The following SPSB4 variants were observed in gnomAD, a reference collection of about 807,000 sequenced individuals.
SPSB4 encodes the protein splA/ryanodine receptor domain and SOCS box containing 4, also known as SPRY domain-containing SOCS box protein 4.
In SPSB4, 21 loss-of-function variants were observed where a neutral mutation model predicts 20.9. The ratio of observed to expected loss-of-function variants is 1.01; its 90% confidence interval spans 0.71 to 1.45. The LOEUF (loss-of-function observed/expected upper bound fraction) is 1.45. SPSB4 is among the 40% of genes most tolerant of loss of function. SPSB4 has a pLI of 0.00. For synonymous variants in SPSB4, 207 were observed against 183.8 expected (o/e 1.13, Z -1.02); for missense variants, 399 against 399.2 (o/e 1.00, Z 0.00).
At position 141,051,754 on chromosome 3, in the gene SPSB4, G is replaced by C. The variant is rs1936093699; in HGVS notation, c.-392G>C. ...ACTCCAGGCCCGACCCCCGGCGCCT[G>C]AGCGCCAACTTCGCCAAGAACGCTC... On this transcript the variant is annotated 5_prime_UTR_variant, in exon 1 of 3. Transcript: ENST00000310546. The C allele has an allele frequency of 6.6e-6, 1 of 152,292 alleles. No individual in the cohort carries two copies. Among genetic ancestry groups the C allele is most frequent in the South Asian group, 2.1e-4 (1 of 4,840 alleles). The allele number at this position is 152,292 out of a possible 1,614,324, so 9.4% of individuals were successfully genotyped here.
At chr3:141,122,744 C>G (rs1228349039) in intron 2 of SPSB4, among the ~76,000 whole-genome samples, 1 of 152,234 alleles carries the variant, frequency 6.6e-6, no homozygotes, top group Non-Finnish European at 1.5e-5. Context: ...TGGGACCCGC[C>G]AAGCCAGGCA....
chr3:141,051,556 G>C lies in SPSB4; in HGVS notation c.-590G>C, dbSNP rs900639897. 6.6e-6 allele frequency: 1 copy of C among 151,966 alleles called. No individual in the cohort carries two copies. Among genetic ancestry groups the C allele is most frequent in the South Asian group, 1.9e-4 (1 of 5,368 alleles). The allele number at this position is 151,966 out of a possible 1,614,324, so 9.4% of individuals were successfully genotyped here. A position where few individuals can be genotyped will look rare whatever the true frequency, so the allele number is the denominator to read the frequency against. ...GCCCCAGCTGCTGCTACCGCTGCGTGCGCTCAGGGCGCTGGGGAAGACGCC... is the reference window on the plus strand; with the variant it reads ...GCCCCAGCTGCTGCTACCGCTGCGTCCGCTCAGGGCGCTGGGGAAGACGCC... On this transcript the variant is annotated 5_prime_UTR_variant, in exon 1 of 3. Coordinates refer to ENST00000310546, the MANE Select transcript of SPSB4 (RefSeq NM_080862.3).
At chr3:141,120,604 G>T (rs567958801) in intron 2 of SPSB4, among the ~76,000 whole-genome samples, 14 of 152,300 alleles carry the variant, frequency 9.2e-5, no homozygotes, top group Non-Finnish European at 1.6e-4. Context: ...CCTGTATTGG[G>T]TGCATTTATA....
At chr3:141,079,389 A>G (rs1446482446) in intron 2 of SPSB4, among the ~76,000 whole-genome samples, 1 of 152,204 alleles carries the variant, frequency 6.6e-6, no homozygotes, top group Admixed American at 6.5e-5. Context: ...ATTTTGGAGA[A>G]GGGAATCCTG....
chr3:141,075,849 C>T (rs1390392458), intron 2 of SPSB4, among the ~76,000 whole-genome samples: 1 of 148,330 alleles, frequency 6.7e-6, no homozygotes, highest in East Asian at 2.0e-4. Flanking sequence ...GAGTTCGAGA[C>T]CACCCTGTCC....
At chr3:141,137,153 G>A (rs1939242934) in intron 2 of SPSB4, among the ~76,000 whole-genome samples, 1 of 152,098 alleles carries the variant, frequency 6.6e-6, no homozygotes. Flanking sequence ...TCTGTTATTG[G>A]TGTATAAGAA....
intron 2 of SPSB4, among the ~76,000 whole-genome samples, chr3:141,087,532 G>A (rs540066295): frequency 3.9e-5 from 6 of 152,308 alleles, no homozygotes; most frequent in East Asian, 1.9e-4. Flanking sequence ...TCCCAGTGAC[G>A]TCAGGCACTG....
intron 2 of SPSB4, among the ~76,000 whole-genome samples, chr3:141,127,499 C>A (rs1939067321): frequency 6.6e-6 from 1 of 152,222 alleles, no homozygotes; most frequent in Non-Finnish European, 1.5e-5. Context: ...AAGCCACATC[C>A]CCAGGTCTGC....
chr3:141,145,181 T>C (rs1232431761), intron 2 of SPSB4, among the ~76,000 whole-genome samples: 3 of 147,578 alleles, frequency 2.0e-5, no homozygotes, highest in African/African-American at 7.5e-5. Flanking sequence ...AGTGGAATTA[T>C]ACAATAAAAA....
At chr3:141,142,143 T>C (rs545811206) in intron 2 of SPSB4, among the ~76,000 whole-genome samples, 1 of 152,378 alleles carries the variant, frequency 6.6e-6, no homozygotes, top group East Asian at 1.9e-4. Flanking sequence ...AGATTGTCTA[T>C]TCATGTTCTT....
chr3:141,085,439 A>G (rs1356049619), intron 2 of SPSB4, among the ~76,000 whole-genome samples: 2 of 152,130 alleles, frequency 1.3e-5, no homozygotes, highest in Non-Finnish European at 2.9e-5. Context: ...TTCCATTCCC[A>G]TAGGTACCTC....
intron 2 of SPSB4, among the ~76,000 whole-genome samples, chr3:141,075,614 A>T (rs1034370904): frequency 3.9e-5 from 6 of 152,086 alleles, no homozygotes; most frequent in Non-Finnish European, 8.8e-5. Context: ...CGGGCCCAAG[A>T]TTCTGCATTT....
At chr3:141,077,087 G>A (rs1056765719) in intron 2 of SPSB4, 1 of 152,112 alleles carries the variant, frequency 6.6e-6, no homozygotes, top group African/African-American at 2.4e-5. Context: ...CGTGAGTTAC[G>A]GCCTCGCCCA....
At chr3:141,053,143 G>A (rs1170563014) in intron 1 of SPSB4, among the ~76,000 whole-genome samples, 2 of 152,052 alleles carry the variant, frequency 1.3e-5, no homozygotes, top group Non-Finnish European at 1.5e-5. Flanking sequence ...TCCTTGGGGG[G>A]TTGGGGGATG....
intron 2 of SPSB4, among the ~76,000 whole-genome samples, chr3:141,128,729 AG>A (rs919062801): frequency 1.3e-5 from 2 of 151,870 alleles, no homozygotes; most frequent in Non-Finnish European, 2.9e-5. Context: ...AGGGAAGCTG[AG>A]GGCTGGAGTC....
intron 2 of SPSB4, among the ~76,000 whole-genome samples, chr3:141,094,656 G>A (rs1178077719): frequency 6.6e-6 from 1 of 152,042 alleles, no homozygotes; most frequent in African/African-American, 2.4e-5. Context: ...GTAACAAAAT[G>A]CTCTCAAGTG....
intron 2 of SPSB4, among the ~76,000 whole-genome samples, chr3:141,113,260 T>C (rs1162242426): frequency 2.6e-5 from 4 of 152,168 alleles, no homozygotes; most frequent in Non-Finnish European, 4.4e-5. Flanking sequence ...AGAATCACCA[T>C]ATGACCCAGC....
chr3:141,132,494 T>C (rs1011983193), intron 2 of SPSB4, among the ~76,000 whole-genome samples: 2 of 152,214 alleles, frequency 1.3e-5, no homozygotes, highest in East Asian at 3.8e-4. Flanking sequence ...CTTTGCATCC[T>C]CATACCTTAG....
intron 2 of SPSB4, among the ~76,000 whole-genome samples, chr3:141,103,634 T>C (rs540389591): frequency 1.9e-4 from 29 of 152,162 alleles, no homozygotes; most frequent in African/African-American, 6.5e-4. Context: ...AATGAGAATG[T>C]AGGGTAGGTA....
Sources: gnomAD v4.1 joint callset for allele counts (sites outside exome capture counted in the v4.1 genomes callset) on GRCh38, gnomAD v4.1.1 for gene constraint, MANE v1.5 for transcripts, NCBI Gene and HGNC (gene_info 2026-07-23, HGNC 2026-07-21) for gene names.